The following RHBDL2 variants were observed in gnomAD, a reference collection of about 807,000 sequenced individuals.
RHBDL2 encodes rhomboid-related protein 2.
Under a neutral mutation model 31.7 loss-of-function variants are expected in RHBDL2, and 26 were observed. The observed-to-expected ratio is 0.82, with a 90% CI of 0.60 to 1.14. RHBDL2 has a LOEUF of 1.14. RHBDL2 is among the 50% of genes most tolerant of loss of function. RHBDL2 has a pLI of 0.00. For missense variants in RHBDL2, 336 were observed against 364.4 expected (o/e 0.92, Z 0.63); for synonymous variants, 123 against 127.2 (o/e 0.97, Z 0.22).
intron 3 of RHBDL2, among the ~76,000 whole-genome samples, chr1:38,912,280 AT>A (rs1353378425): frequency 1.3e-5 from 2 of 151,370 alleles, no homozygotes; most frequent in Non-Finnish European, 2.9e-5. Context: ...TAATTTTTGT[AT>A]TTTTAGTAGA....
At chr1:38,900,635 A>C (rs1351186353) in intron 4 of RHBDL2, among the ~76,000 whole-genome samples, 2 of 152,118 alleles carry the variant, frequency 1.3e-5, no homozygotes, top group African/African-American at 4.8e-5. Flanking sequence ...AAGAAAAAAA[A>C]GAGTCACTTG....
chr1:38,919,748 AT>A (rs1643286719), intron 1 of RHBDL2, among the ~76,000 whole-genome samples: 1 of 151,574 alleles, frequency 6.6e-6, no homozygotes. Flanking sequence ...TAATTTTTGT[AT>A]TTTTAGTAGA....
Position 38,927,288 on chromosome 1 carries a change from G to A in RHBDL2, c.-125-7951C>T, listed in dbSNP as rs994891783. Among the ~76,000 whole-genome samples the A allele has an allele frequency of 4.6e-5, 7 of 152,106 alleles. 1 individual carries two copies. The highest frequency in any genetic ancestry group is 8.8e-5 in the Non-Finnish European group (6 of 68,016). On this transcript the variant is annotated intron_variant, in intron 1 of 7. Transcript: ENST00000372990. ...TAAAAATACAAAAAATTAGCCGGGC[G>A]TGGTGGCGGGCGCCTGTAGTCCCAG...
chr1:38,910,327 T>C (rs1643122833), intron 4 of RHBDL2, among the ~76,000 whole-genome samples: 1 of 152,220 alleles, frequency 6.6e-6, no homozygotes. Flanking sequence ...TTTTGCAAGA[T>C]GTCACCATTG....
At chr1:38,902,643 A>C (rs894049656) in intron 4 of RHBDL2, among the ~76,000 whole-genome samples, 3 of 151,962 alleles carry the variant, frequency 2.0e-5, no homozygotes, top group African/African-American at 7.3e-5. Context: ...GCTGGTCTCG[A>C]ACTCCTGACC....
At chr1:38,898,975 G>A (rs938997331) in intron 4 of RHBDL2, among the ~76,000 whole-genome samples, 7 of 152,104 alleles carry the variant, frequency 4.6e-5, no homozygotes, top group Admixed American at 2.6e-4. Context: ...AATATATCAG[G>A]ACAAAACCAC....
chr1:38,925,410 A>C (rs1643363820), intron 1 of RHBDL2, among the ~76,000 whole-genome samples: 1 of 151,990 alleles, frequency 6.6e-6, no homozygotes, highest in South Asian at 2.1e-4. Flanking sequence ...AGACAGGAGA[A>C]TCTCTTGAAC....
chr1:38,916,894 A>C (rs988542507), intron 2 of RHBDL2, among the ~76,000 whole-genome samples: 2 of 151,538 alleles, frequency 1.3e-5, no homozygotes, highest in African/African-American at 4.8e-5. Context: ...ATACTATGGA[A>C]ATGTAATGTA....
intron 1 of RHBDL2, among the ~76,000 whole-genome samples, chr1:38,922,751 C>G (rs897114282): frequency 2.7e-5 from 4 of 150,926 alleles, no homozygotes; most frequent in African/African-American, 9.8e-5. Context: ...TCTTCTGCCC[C>G]ACTCCTGAAT....
At chr1:38,928,714 G>A (rs939374853) in intron 1 of RHBDL2, among the ~76,000 whole-genome samples, 4 of 152,098 alleles carry the variant, frequency 2.6e-5, no homozygotes, top group Non-Finnish European at 5.9e-5. Context: ...CCAACGTGCT[G>A]GGATTACAGG....
chr1:38,935,287 TC>T (rs1345814130), intron 1 of RHBDL2, among the ~76,000 whole-genome samples: 1 of 152,204 alleles, frequency 6.6e-6, no homozygotes, highest in Non-Finnish European at 1.5e-5. Flanking sequence ...TTAATTTGCA[TC>T]CCCATGACAA....
chr1:38,898,200 A>G lies in RHBDL2; in HGVS notation c.509-2131T>C, dbSNP rs185535464. Among the ~76,000 whole-genome samples the G allele has an allele frequency of 2.1e-3, 317 of 152,232 alleles. 2 individuals are homozygous for G. Among genetic ancestry groups the G allele is most frequent in the African/African-American group, 7.0e-3 (289 of 41,538 alleles). ...ATGCCTATAATTCCAACTACTGGGG[A>G]GTCTGAGGCACGAGGATCACTTGAA... On this transcript the variant is annotated intron_variant, in intron 4 of 7. Coordinates refer to ENST00000372990, the MANE Select transcript of RHBDL2 (RefSeq NM_017821.5).
intron 1 of RHBDL2, chr1:38,925,828 A>T: frequency 2.0e-6 from 1 of 489,124 alleles, no homozygotes; most frequent in Non-Finnish European, 3.1e-6. Context: ...CATGCAAACT[A>T]CATAAAGGAT....
chr1:38,928,475 T>A (rs1308852932), intron 1 of RHBDL2, among the ~76,000 whole-genome samples: 1 of 148,238 alleles, frequency 6.7e-6, no homozygotes, highest in African/African-American at 2.5e-5. Context: ...AGACAGAGTT[T>A]CGCTCTTGTT....
chr1:38,904,607 C>A (rs1357056020), intron 4 of RHBDL2, among the ~76,000 whole-genome samples: 1 of 151,398 alleles, frequency 6.6e-6, no homozygotes, highest in Non-Finnish European at 1.5e-5. Context: ...TGCAGACGAT[C>A]ACTTGAGCTC....
At chr1:38,901,751 G>A (rs1460273599) in intron 4 of RHBDL2, among the ~76,000 whole-genome samples, 1 of 151,528 alleles carries the variant, frequency 6.6e-6, no homozygotes, top group South Asian at 2.1e-4. Context: ...CAAGAGAATT[G>A]CTTGAACCCG....
chr1:38,887,606 G>C (rs1642801168), intron 7 of RHBDL2, among the ~76,000 whole-genome samples: 2 of 152,082 alleles, frequency 1.3e-5, no homozygotes. Flanking sequence ...TGTATTTTTA[G>C]TAGAGACGGG....
At chr1:38,895,881 T>C (rs924242930) in intron 5 of RHBDL2, 88 bp downstream of exon 5, 2 of 808,776 alleles carry the variant, frequency 2.5e-6, no homozygotes, top group African/African-American at 1.7e-5. Context: ...CAGTAAATAT[T>C]GATAAATGAA....
At chr1:38,925,347 A>C (rs985840288) in intron 1 of RHBDL2, among the ~76,000 whole-genome samples, 5 of 151,912 alleles carry the variant, frequency 3.3e-5, no homozygotes, top group African/African-American at 1.2e-4. Flanking sequence ...AAAATACAAA[A>C]ATTAGCCGGC....
Sources: allele counts gnomAD v4.1 joint callset (sites outside exome capture counted in the v4.1 genomes callset), GRCh38; gene constraint gnomAD v4.1.1; transcripts MANE v1.5; gene names NCBI Gene and HGNC (gene_info 2026-07-23, HGNC 2026-07-21).